Variants in OR56A3 observed in about 807,000 individuals in gnomAD.
OR56A3 encodes the protein olfactory receptor family 56 subfamily A member 3, also known as olfactory receptor 56A3.
A neutral mutation model predicts 17.5 loss-of-function variants in OR56A3; 23 were observed. The observed-to-expected ratio is 1.32, with a 90% CI of 0.95 to 1.87. The LOEUF (loss-of-function observed/expected upper bound fraction) is 1.87, where lower values mean the gene tolerates loss of function less well. Ranked by LOEUF, OR56A3 falls within the 40% of genes most tolerant of loss-of-function variation. The pLI is 0.00. For synonymous variants in OR56A3, 175 were observed against 150.6 expected, an observed-to-expected ratio of 1.16 and a Z score of -1.19; for missense variants, 366 against 380.1, an observed-to-expected ratio of 0.96 and a Z score of 0.31.
chr11:6,011,223 C>A, the OR56A3 span, among the ~76,000 whole-genome samples: 1 of 145,472 alleles, frequency 6.9e-6, no homozygotes, highest in African/African-American at 2.5e-5. Context: ...TATATATATA[C>A]ACACATATAT....
chr11:5,942,479 A>G (rs1033017729), intron 1 of OR56A3, 105 bp downstream of exon 1: 1 of 152,244 alleles, frequency 6.6e-6, no homozygotes, highest in Non-Finnish European at 1.5e-5. Context: ...TAGAAGATTA[A>G]CAGGCAGTAT....
the OR56A3 span, among the ~76,000 whole-genome samples, chr11:5,960,578 C>G: frequency 4.7e-3 from 715 of 152,290 alleles, 8 homozygotes; most frequent in African/African-American, 0.017. Flanking sequence ...TTGCCCAGGC[C>G]GGAGTGCAGT....
chr11:5,979,855 A>G, the OR56A3 span, among the ~76,000 whole-genome samples: 1 of 152,016 alleles, frequency 6.6e-6, no homozygotes, highest in Non-Finnish European at 1.5e-5. Context: ...ACATTGCTTT[A>G]GCTGTGTCCC....
chr11:5,957,618 G>A, the OR56A3 span, among the ~76,000 whole-genome samples: 12,088 of 152,160 alleles, frequency 0.079, 919 homozygotes, highest in African/African-American at 0.2. Context: ...TCTGAAGCCC[G>A]CAAGATTCTA....
At chr11:5,961,177 G>A in the OR56A3 span, among the ~76,000 whole-genome samples, 1 of 148,736 alleles carries the variant, frequency 6.7e-6, no homozygotes, top group African/African-American at 2.5e-5. Flanking sequence ...GGAGGTGGGG[G>A]GCCCCTCTGC....
downstream of OR56A3, among the ~76,000 whole-genome samples, chr11:5,954,046 G>A (rs1158835867): frequency 6.6e-6 from 1 of 152,158 alleles, no homozygotes; most frequent in Non-Finnish European, 1.5e-5. Flanking sequence ...ACAGACAAAT[G>A]TGGATTTTGG....
the OR56A3 span, among the ~76,000 whole-genome samples, chr11:5,993,080 G>A: frequency 6.6e-6 from 1 of 152,164 alleles, no homozygotes; most frequent in African/African-American, 2.4e-5. Flanking sequence ...AGTGAAGGGA[G>A]GTGTGGGGAT....
the OR56A3 span, chr11:5,987,008 A>G: frequency 3.6e-6 from 5 of 1,373,078 alleles, no homozygotes; most frequent in Non-Finnish European, 5.0e-6. Context: ...AGTGACTTCA[A>G]CTGCAAACGA....
the OR56A3 span, chr11:5,987,017 G>A: frequency 7.7e-6 from 10 of 1,296,582 alleles, no homozygotes; most frequent in Admixed American, 2.1e-5. Context: ...AACTGCAAAC[G>A]AAGGGAATAA....
chr11:5,976,730 T>G, the OR56A3 span, among the ~76,000 whole-genome samples: 1 of 152,128 alleles, frequency 6.6e-6, no homozygotes, highest in Non-Finnish European at 1.5e-5. Context: ...TCACCTTATA[T>G]TTTAGGCTCA....
chr11:5,993,915 C>T, the OR56A3 span: 1 of 493,174 alleles, frequency 2.0e-6, no homozygotes, highest in Non-Finnish European at 3.9e-6. Context: ...TCAGACACCA[C>T]TTTGCTGTCC....
chr11:5,957,026 T>C, the OR56A3 span, among the ~76,000 whole-genome samples: 1 of 152,192 alleles, frequency 6.6e-6, no homozygotes, highest in Non-Finnish European at 1.5e-5. Context: ...TGGTGGCTTA[T>C]GCCTGTAATA....
the OR56A3 span, among the ~76,000 whole-genome samples, chr11:6,017,615 A>G: frequency 6.6e-6 from 1 of 152,350 alleles, no homozygotes; most frequent in East Asian, 1.9e-4. Flanking sequence ...TTACAATTCG[A>G]CATGAGATTT....
chr11:5,995,026 C>T, the OR56A3 span: 5 of 645,732 alleles, frequency 7.7e-6, no homozygotes, highest in South Asian at 3.2e-5. Context: ...CATGGAGATC[C>T]GGGAACCTGA....
chr11:6,007,838 C>T, the OR56A3 span, among the ~76,000 whole-genome samples: 1 of 152,142 alleles, frequency 6.6e-6, no homozygotes, highest in African/African-American at 2.4e-5. Context: ...GAGTGCTTTT[C>T]CTGTGAACCT....
At chr11:5,980,491 A>G in the OR56A3 span, among the ~76,000 whole-genome samples, 1 of 152,148 alleles carries the variant, frequency 6.6e-6, no homozygotes, top group Admixed American at 6.5e-5. Context: ...TGTGAAATAA[A>G]AATAGCAATG....
At chr11:5,988,351 TATAAC>T in the OR56A3 span, among the ~76,000 whole-genome samples, 2 of 152,322 alleles carry the variant, frequency 1.3e-5, no homozygotes, top group East Asian at 1.9e-4. Flanking sequence ...ACTTTATAAT[TATAAC>T]ATAGCATGGT....
At chr11:6,009,781 A>C in the OR56A3 span, among the ~76,000 whole-genome samples, 2 of 152,208 alleles carry the variant, frequency 1.3e-5, no homozygotes, top group Non-Finnish European at 2.9e-5. Flanking sequence ...CCTGAATCTG[A>C]AGATAATTCA....
chr11:6,010,818 TGTGTGTGTG>T, the OR56A3 span, among the ~76,000 whole-genome samples: 1 of 5,906 alleles, frequency 1.7e-4, no homozygotes, highest in African/African-American at 9.0e-4. Flanking sequence ...AAGACAGAAA[TGTGTGTGTG>T]TGTGTGTGTG....
Sources: allele counts gnomAD v4.1 joint callset (sites outside exome capture counted in the v4.1 genomes callset), GRCh38; gene constraint gnomAD v4.1.1; transcripts MANE v1.5; gene names NCBI Gene and HGNC (gene_info 2026-07-23, HGNC 2026-07-21).